SGCD: variants seen among roughly 807,000 people sequenced by gnomAD.
SGCD encodes the protein sarcoglycan delta.
SGCD carries 18 observed loss-of-function variants against 36.6 expected under a neutral mutation model. The ratio of observed to expected loss-of-function variants is 0.49; its 90% CI spans 0.34 to 0.73. SGCD has a LOEUF of 0.73. Ranked by LOEUF, SGCD falls within the 30% of genes least tolerant of loss-of-function variation. SGCD has a pLI of 0.01. For missense variants in SGCD, 387 were observed against 346.7 expected, an observed-to-expected ratio of 1.12 and a Z score of -0.92; for synonymous variants, 133 against 130.6, an observed-to-expected ratio of 1.02 and a Z score of -0.12.
intron 1 of SGCD, among the ~76,000 whole-genome samples, chr5:156,086,359 A>G (rs113318131): frequency 1.3e-4 from 20 of 152,368 alleles, no homozygotes; most frequent in African/African-American, 4.8e-4. Flanking sequence ...AATAACAGGT[A>G]TGAGTGCAGT....
intron 1 of SGCD, among the ~76,000 whole-genome samples, chr5:155,899,384 T>C (rs997943230): frequency 1.3e-5 from 2 of 152,224 alleles, no homozygotes; most frequent in Non-Finnish European, 2.9e-5. Context: ...ATCTTAGCTC[T>C]AACCCTGGGC....
At chr5:156,606,008 T>G (rs982447749) in intron 6 of SGCD, among the ~76,000 whole-genome samples, 1 of 152,240 alleles carries the variant, frequency 6.6e-6, no homozygotes, top group Non-Finnish European at 1.5e-5. Context: ...CCGTTCACTC[T>G]GATGGTAGTT....
chr5:156,034,529 CAT>C (rs1759441373), intron 1 of SGCD, among the ~76,000 whole-genome samples: 1 of 152,138 alleles, frequency 6.6e-6, no homozygotes, highest in Non-Finnish European at 1.5e-5. Flanking sequence ...ATCCGTAGTT[CAT>C]ATAACTCTGT....
chr5:155,957,984 C>T (rs1387770004), intron 1 of SGCD, among the ~76,000 whole-genome samples: 1 of 151,980 alleles, frequency 6.6e-6, no homozygotes, highest in Non-Finnish European at 1.5e-5. Flanking sequence ...TTTCTGATTA[C>T]TCGGTAAGGG....
intron 3 of SGCD, among the ~76,000 whole-genome samples, chr5:156,347,918 G>A (rs189143300): frequency 1.4e-3 from 209 of 152,204 alleles, no homozygotes; most frequent in African/African-American, 4.9e-3. Flanking sequence ...AGTCCTTAAA[G>A]CTTTACCAAA....
At chr5:156,704,712 G>T (rs182285065) in intron 7 of SGCD, among the ~76,000 whole-genome samples, 1 of 151,910 alleles carries the variant, frequency 6.6e-6, no homozygotes, top group African/African-American at 2.4e-5. Flanking sequence ...GATACAAAAT[G>T]GTATCTTCGT....
chr5:155,850,369 A>C, the SGCD span, among the ~76,000 whole-genome samples: 1 of 152,108 alleles, frequency 6.6e-6, no homozygotes, highest in Non-Finnish European at 1.5e-5. Flanking sequence ...AGGAAGAAAC[A>C]GGGGAATTTT....
chr5:156,412,897 G>A (rs1350664604), intron 3 of SGCD, among the ~76,000 whole-genome samples: 2 of 150,020 alleles, frequency 1.3e-5, no homozygotes, highest in East Asian at 4.0e-4. Context: ...CCGGGTTCAC[G>A]CCATTCTCCT....
intron 7 of SGCD, among the ~76,000 whole-genome samples, chr5:156,695,536 GATAGATAGATA>G (rs1754287654): frequency 7.4e-6 from 1 of 135,514 alleles, no homozygotes; most frequent in African/African-American, 3.1e-5. Flanking sequence ...TAGATAGATA[GATAGATAGATA>G]GATAGATAGA....
At chr5:156,704,824 A>C (rs1169787977) in intron 7 of SGCD, among the ~76,000 whole-genome samples, 1 of 152,070 alleles carries the variant, frequency 6.6e-6, no homozygotes, top group African/African-American at 2.4e-5. Context: ...AAATTCAGCT[A>C]ATAATACCTA....
chr5:156,527,822 G>T (rs1423941873), intron 4 of SGCD, among the ~76,000 whole-genome samples: 2 of 152,190 alleles, frequency 1.3e-5, no homozygotes, highest in Non-Finnish European at 2.9e-5. Flanking sequence ...ACCAGCCACA[G>T]GGGGCCGAGG....
chr5:155,903,620 A>G (rs1166290108), intron 1 of SGCD, among the ~76,000 whole-genome samples: 1 of 152,204 alleles, frequency 6.6e-6, no homozygotes, highest in Non-Finnish European at 1.5e-5. Flanking sequence ...CAACACACAT[A>G]TACATTAAAA....
chr5:156,394,699 G>A (rs1041484857), intron 3 of SGCD, among the ~76,000 whole-genome samples: 4 of 152,160 alleles, frequency 2.6e-5, no homozygotes, highest in East Asian at 3.9e-4. Flanking sequence ...TTTTCCTTCC[G>A]ATTTTAAAAG....
chr5:156,545,600 T>G (rs1024630192), intron 4 of SGCD, among the ~76,000 whole-genome samples: 4 of 152,096 alleles, frequency 2.6e-5, no homozygotes, highest in African/African-American at 4.8e-5. Context: ...CAGTTCACAG[T>G]AGGGTTCCTA....
chr5:156,462,315 A>G (rs946285477), intron 3 of SGCD, among the ~76,000 whole-genome samples: 1 of 151,984 alleles, frequency 6.6e-6, no homozygotes, highest in African/African-American at 2.4e-5. Context: ...GTGCATGTAT[A>G]TTTTTTTTCT....
intron 6 of SGCD, among the ~76,000 whole-genome samples, chr5:156,636,000 G>T (rs779539939): frequency 1.1e-4 from 17 of 151,854 alleles, no homozygotes; most frequent in Non-Finnish European, 2.2e-4. Flanking sequence ...CAAACCTGCC[G>T]GTTGTGCACA....
At position 156,122,843 on chromosome 5, in the gene SGCD, T is replaced by TAAAAAAAAAAAAAAAAA. The variant is rs33983852; in HGVS notation, c.-207-988_-207-972dup. Among the ~76,000 whole-genome samples, 7 of 54,158 alleles carry TAAAAAAAAAAAAAAAAA rather than the reference T, an allele frequency of 1.3e-4. 2 individuals are homozygous for TAAAAAAAAAAAAAAAAA. The highest frequency in any genetic ancestry group is 1.6e-4 in the Non-Finnish European group (5 of 31,244). The allele number at this position is 54,158 out of a possible 152,430, so 35.5% of individuals were successfully genotyped here. On this transcript the variant is annotated intron_variant, in intron 2 of 9. Coordinates refer to the SGCD transcript ENST00000517913. ...ACCAGCATGGTAGTAAAAGATGTGGTAAAAAAAAAAAAAAAAAAAAAAAAA... is the reference window on the plus strand; with the variant it reads ...ACCAGCATGGTAGTAAAAGATGTGGTAAAAAAAAAAAAAAAAAAAAAAAAAAAAAAAAAAAAAAAAAA...
At chr5:156,210,151 C>T (rs950551679) in intron 3 of SGCD, among the ~76,000 whole-genome samples, 6 of 152,192 alleles carry the variant, frequency 3.9e-5, no homozygotes, top group African/African-American at 1.4e-4. Flanking sequence ...CCCAACCCCA[C>T]AGACCCAGGT....
chr5:156,620,197 T>C (rs1227686372), intron 6 of SGCD, among the ~76,000 whole-genome samples: 4 of 152,220 alleles, frequency 2.6e-5, no homozygotes, highest in Non-Finnish European at 4.4e-5. Flanking sequence ...ACAGGGTTAA[T>C]AAGAGCACTA....
Sources: gnomAD v4.1 joint callset for allele counts (sites outside exome capture counted in the v4.1 genomes callset) on GRCh38, gnomAD v4.1.1 for gene constraint, MANE v1.5 for transcripts, NCBI Gene and HGNC (gene_info 2026-07-23, HGNC 2026-07-21) for gene names.